MEGF9: variants seen among roughly 807,000 people sequenced by gnomAD.
MEGF9 encodes the protein multiple EGF like domains 9.
In MEGF9, 6 loss-of-function variants were observed where a neutral mutation model predicts 46.8. The ratio of observed to expected loss-of-function variants is 0.13; its 90% CI spans 0.07 to 0.25. MEGF9 has a LOEUF of 0.25. Ranked by LOEUF, MEGF9 falls within the 10% of genes least tolerant of loss-of-function variation. The pLI, the probability that MEGF9 is intolerant of heterozygous loss-of-function variation, is 1.00. For synonymous variants in MEGF9, 302 were observed against 330.7 expected (o/e 0.91, Z 0.94); for missense variants, 683 against 792.4 (o/e 0.86, Z 1.66).
Position 120,636,417 on chromosome 9 carries a change from T to C in MEGF9, c.804-13662A>G, listed in dbSNP as rs574677910. On this transcript the variant is annotated intron_variant, in intron 2 of 5. Transcript: ENST00000373930. ...TCAGCAATAACTGTAAGCATCTCAG[T>C]GGCATAGGCTGTACACATTTGTGAC... Among the ~76,000 whole-genome samples, 3 of 152,350 alleles carry C rather than the reference T, an allele frequency of 2.0e-5. No homozygotes were observed. In the East Asian group the frequency reaches 5.8e-4, roughly 29 times the overall value.
intron 4 of MEGF9, among the ~76,000 whole-genome samples, chr9:120,611,989 T>G (rs2043449652): frequency 6.6e-6 from 1 of 152,152 alleles, no homozygotes; most frequent in Admixed American, 6.5e-5. Flanking sequence ...TGCTTACTGT[T>G]TTAAGCCACT....
chr9:120,694,946 C>T (rs1239963875), intron 1 of MEGF9, among the ~76,000 whole-genome samples: 1 of 131,002 alleles, frequency 7.6e-6, no homozygotes, highest in African/African-American at 2.8e-5. Context: ...AGATAATTTA[C>T]TATTTAGGGG....
At chr9:120,659,736 A>G in intron 1 of MEGF9, among the ~76,000 whole-genome samples, 161 bp from the exon 2 acceptor site, 1 of 151,836 alleles carries the variant, frequency 6.6e-6, no homozygotes, top group East Asian at 1.9e-4. Flanking sequence ...CGTTTAGTTT[A>G]CTTAAATCAG....
chr9:120,616,671 C>G (rs1322685509), intron 3 of MEGF9, among the ~76,000 whole-genome samples: 1 of 86,334 alleles, frequency 1.2e-5, no homozygotes, highest in Non-Finnish European at 2.2e-5. Context: ...GAGCAAGACT[C>G]TGTCTCAAAA....
At chr9:120,681,152 G>A (rs1471558048) in intron 1 of MEGF9, among the ~76,000 whole-genome samples, 1 of 151,614 alleles carries the variant, frequency 6.6e-6, no homozygotes, top group African/African-American at 2.4e-5. Flanking sequence ...CGCCTCTGAA[G>A]CCAGCACATC....
rs951006393 is a variant in MEGF9, at chr9:120,670,123, A to G, written c.602-10548T>C. On this transcript the variant is annotated intron_variant, in intron 1 of 5. Coordinates refer to ENST00000373930, the MANE Select transcript of MEGF9 (RefSeq NM_001080497.3). ...CATTCTAAACACCCTTATTCTCTAA[A>G]TCTCACTCTGTCACCCAGGCTAGAG... Among the ~76,000 whole-genome samples the G allele has an allele frequency of 1.3e-4, 19 of 151,962 alleles. 1 individual carries two copies. The highest frequency in any genetic ancestry group is 3.4e-4 in the African/African-American group (14 of 41,372).
chr9:120,659,854 G>A (rs575162821), intron 1 of MEGF9, among the ~76,000 whole-genome samples: 10 of 150,636 alleles, frequency 6.6e-5, no homozygotes, highest in Middle Eastern at 3.4e-3. Context: ...AGCCACCAAA[G>A]GCAGGCTTAT....
In MEGF9 at chr9:120,711,844, T is replaced by TACACACAC. The variant is rs924373123; in HGVS notation, c.601+1906_601+1913dup. On this transcript the variant is annotated intron_variant, in intron 1 of 5. Coordinates refer to ENST00000373930, the MANE Select transcript of MEGF9 (RefSeq NM_001080497.3). ...CAAATGCTTTCTATACATACATACA[T>TACACACAC]ACACACACACACACACACACACACA... 8.6e-3 allele frequency among the ~76,000 whole-genome samples: 1,235 copies of TACACACAC among 143,552 alleles called. 13 individuals are homozygous for TACACACAC. The highest frequency in any genetic ancestry group is 0.029 in the African/African-American group (1,142 of 38,884). 94.2% of individuals were successfully genotyped at this position (143,552 alleles called of 152,430 possible). A position where few individuals can be genotyped will look rare whatever the true frequency, so the allele number is the denominator to read the frequency against.
At chr9:120,677,603 C>T (rs1380990087) in intron 1 of MEGF9, among the ~76,000 whole-genome samples, 2 of 152,194 alleles carry the variant, frequency 1.3e-5, no homozygotes, top group African/African-American at 4.8e-5. Flanking sequence ...AAGCCAAAGA[C>T]ACAATCATGA....
In MEGF9 at chr9:120,702,184, A is replaced by G. The variant is rs1377426973; in HGVS notation, c.601+11574T>C. Among the ~76,000 whole-genome samples, 21 of 152,332 alleles carry G rather than the reference A, an allele frequency of 1.4e-4. No individual in the cohort carries two copies. In the East Asian group the frequency reaches 3.3e-3, roughly 24 times the overall value. On this transcript the variant is annotated intron_variant, in intron 1 of 5. Transcript: ENST00000373930. ...AAAGGTACCAAATCTTAGATATGTCATTCCTACTGTATGTTCAAGATTTGT... is the reference window on the plus strand; with the variant it reads ...AAAGGTACCAAATCTTAGATATGTCGTTCCTACTGTATGTTCAAGATTTGT...
intron 1 of MEGF9, among the ~76,000 whole-genome samples, chr9:120,685,837 A>G (rs1483961978): frequency 6.6e-6 from 1 of 152,214 alleles, no homozygotes; most frequent in Non-Finnish European, 1.5e-5. Context: ...CTATTGATGG[A>G]TAAAGAAAGA....
intron 2 of MEGF9, among the ~76,000 whole-genome samples, chr9:120,624,146 A>C (rs1258350872): frequency 6.6e-6 from 1 of 152,204 alleles, no homozygotes; most frequent in Non-Finnish European, 1.5e-5. Flanking sequence ...CTGCTCCTTA[A>C]TTGCTGATTT....
At chr9:120,670,584 G>A (rs779445284) in intron 1 of MEGF9, among the ~76,000 whole-genome samples, 2 of 152,168 alleles carry the variant, frequency 1.3e-5, no homozygotes, top group Non-Finnish European at 2.9e-5. Context: ...GCTATTCCAA[G>A]CTTCTCTTTA....
Position 120,604,539 on chromosome 9 carries a change from G to C in MEGF9, c.*651C>G, listed in dbSNP as rs1204924821. On this transcript the variant is annotated 3_prime_UTR_variant, in exon 6 of 6. Transcript: ENST00000373930. ...TCATTTACACTGAGACCCTGAGGAG[G>C]ACCATCAGCCTCCTGCTCCCCAATG... The C allele has an allele frequency of 1.3e-5, 2 of 152,912 alleles. No homozygotes were observed. The highest frequency in any genetic ancestry group is 2.9e-5 in the Non-Finnish European group (2 of 68,324). The allele number at this position is 152,912 out of a possible 1,614,324, so 9.5% of individuals were successfully genotyped here.
At chr9:120,665,224 G>C (rs1003144330) in intron 1 of MEGF9, among the ~76,000 whole-genome samples, 1 of 128,664 alleles carries the variant, frequency 7.8e-6, no homozygotes, top group Non-Finnish European at 1.6e-5. Flanking sequence ...TTTTTTTTTT[G>C]AGATGGAGTC....
chr9:120,656,724 C>T (rs571237038), intron 2 of MEGF9, among the ~76,000 whole-genome samples: 1 of 152,006 alleles, frequency 6.6e-6, no homozygotes, highest in Admixed American at 6.6e-5. Flanking sequence ...GACAAAACAA[C>T]TTTATGCAGG....
At chr9:120,686,957 G>T (rs955671528) in intron 1 of MEGF9, among the ~76,000 whole-genome samples, 1 of 151,306 alleles carries the variant, frequency 6.6e-6, no homozygotes, top group Non-Finnish European at 1.5e-5. Context: ...TTGTGTGTGT[G>T]TGTGTGTATG....
chr9:120,701,102 G>C (rs1193773616), intron 1 of MEGF9, among the ~76,000 whole-genome samples: 1 of 150,316 alleles, frequency 6.7e-6, no homozygotes, highest in African/African-American at 2.5e-5. Flanking sequence ...CTGGGTGACA[G>C]AGTGTGACCC....
chr9:120,709,973 C>T lies in MEGF9; in HGVS notation c.601+3785G>A, dbSNP rs150982886. ...CTGAGGCAAGAGAATCGCTTGAACC[C>T]GGAGGTGGAGGTTGCAGTGAGCCAA... On this transcript the variant is annotated intron_variant, in intron 1 of 5. Transcript: ENST00000373930. Among the ~76,000 whole-genome samples the T allele has an allele frequency of 5.1e-3, 755 of 147,028 alleles. 10 individuals are homozygous for T. Among genetic ancestry groups the T allele is most frequent in the African/African-American group, 0.018 (715 of 39,110 alleles).
Sources: gnomAD v4.1 joint callset for allele counts (sites outside exome capture counted in the v4.1 genomes callset) on GRCh38, gnomAD v4.1.1 for gene constraint, MANE v1.5 for transcripts, NCBI Gene and HGNC (gene_info 2026-07-23, HGNC 2026-07-21) for gene names.